Variants in CIMIP6 observed in about 807,000 individuals in gnomAD.
CIMIP6 encodes the protein uncharacterized protein C2orf73.
chr2:54,372,222 C>T, the CIMIP6 span, among the ~76,000 whole-genome samples: 2 of 152,142 alleles, frequency 1.3e-5, no homozygotes, highest in Non-Finnish European at 2.9e-5. Flanking sequence ...CAAGCCAGGT[C>T]GTCAGATTCC....
the CIMIP6 span, among the ~76,000 whole-genome samples, chr2:54,373,247 C>T: frequency 6.6e-6 from 1 of 152,110 alleles, no homozygotes; most frequent in African/African-American, 2.4e-5. Context: ...GCTCCAAGCC[C>T]AGCGCTGGCT....
the CIMIP6 span, chr2:54,330,972 G>A: frequency 2.8e-5 from 45 of 1,613,232 alleles, no homozygotes; most frequent in Non-Finnish European, 3.4e-5. Flanking sequence ...TGCCGTAGAG[G>A]CCCATGGAGG....
chr2:54,366,843 G>T, the CIMIP6 span, among the ~76,000 whole-genome samples: 1,243 of 152,210 alleles, frequency 8.2e-3, 13 homozygotes, highest in Non-Finnish European at 0.014. Flanking sequence ...AATAGTAATT[G>T]CAAGCACTTA....
the CIMIP6 span, among the ~76,000 whole-genome samples, chr2:54,347,465 A>G: frequency 6.6e-6 from 1 of 152,228 alleles, no homozygotes; most frequent in African/African-American, 2.4e-5. Flanking sequence ...GTATCTACAT[A>G]TGGCATATGA....
the CIMIP6 span, among the ~76,000 whole-genome samples, chr2:54,348,198 C>T: frequency 5.9e-5 from 9 of 152,160 alleles, no homozygotes; most frequent in African/African-American, 2.2e-4. Context: ...TTTAATCATC[C>T]TGTTTTGCTC....
chr2:54,382,094 C>G, the CIMIP6 span: 2 of 1,301,484 alleles, frequency 1.5e-6, no homozygotes, highest in Admixed American at 6.9e-5. Context: ...AGTCTGATTA[C>G]AAAGCACAAA....
chr2:54,333,901 A>C, the CIMIP6 span, among the ~76,000 whole-genome samples: 1 of 152,052 alleles, frequency 6.6e-6, no homozygotes, highest in Non-Finnish European at 1.5e-5. Context: ...AAAAAGGAAA[A>C]AAAGAAAAAT....
the CIMIP6 span, among the ~76,000 whole-genome samples, chr2:54,342,507 CCATTA>C: frequency 6.7e-6 from 1 of 149,974 alleles, no homozygotes; most frequent in South Asian, 2.1e-4. Context: ...CAAGCTGACT[CCATTA>C]ATTATTTTTT....
chr2:54,360,235 A>C, the CIMIP6 span: 1 of 1,604,644 alleles, frequency 6.2e-7, no homozygotes. Context: ...GAGAGATAAA[A>C]CCAGGCAGTA....
At chr2:54,372,271 G>A in the CIMIP6 span, among the ~76,000 whole-genome samples, 19 of 152,124 alleles carry the variant, frequency 1.2e-4, no homozygotes, top group East Asian at 5.8e-4. Context: ...ATATTATGAC[G>A]CAGGAAATGT....
the CIMIP6 span, among the ~76,000 whole-genome samples, chr2:54,353,695 C>T: frequency 1.3e-5 from 2 of 152,180 alleles, no homozygotes; most frequent in Non-Finnish European, 2.9e-5. Flanking sequence ...TGACTTTTGC[C>T]AGTGTATTCA....
the CIMIP6 span, among the ~76,000 whole-genome samples, chr2:54,331,542 C>A: frequency 6.6e-6 from 1 of 152,124 alleles, no homozygotes. Context: ...ACACAACACG[C>A]CCCTTACCGT....
the CIMIP6 span, among the ~76,000 whole-genome samples, chr2:54,339,134 A>G: frequency 0.032 from 2,345 of 73,776 alleles, 904 homozygotes; most frequent in African/African-American, 0.1. Context: ...CCAGCCTGGC[A>G]ACAGAACAAG....
At chr2:54,331,630 T>G in the CIMIP6 span, among the ~76,000 whole-genome samples, 1 of 152,002 alleles carries the variant, frequency 6.6e-6, no homozygotes, top group Non-Finnish European at 1.5e-5. Context: ...AAGACCAGCA[T>G]CAGCAGCACC....
chr2:54,354,475 G>A, the CIMIP6 span, among the ~76,000 whole-genome samples: 3 of 152,072 alleles, frequency 2.0e-5, no homozygotes, highest in Non-Finnish European at 4.4e-5. Context: ...AGCATAGAAT[G>A]TCTATTCAGT....
At chr2:54,337,148 T>C in the CIMIP6 span, among the ~76,000 whole-genome samples, 2 of 152,206 alleles carry the variant, frequency 1.3e-5, no homozygotes, top group African/African-American at 4.8e-5. Context: ...TCCACTTCTT[T>C]CCTCATCTCT....
chr2:54,333,451 A>T, the CIMIP6 span, among the ~76,000 whole-genome samples: 3 of 152,250 alleles, frequency 2.0e-5, no homozygotes, highest in East Asian at 5.8e-4. Context: ...GTGTCCCTGG[A>T]ACTGACAGAA....
chr2:54,346,900 C>T, the CIMIP6 span, among the ~76,000 whole-genome samples: 1 of 152,228 alleles, frequency 6.6e-6, no homozygotes, highest in Non-Finnish European at 1.5e-5. Context: ...AAATTCCTCA[C>T]TATGGCCTAC....
the CIMIP6 span, chr2:54,360,137 T>G: frequency 6.8e-7 from 1 of 1,462,476 alleles, no homozygotes; most frequent in Non-Finnish European, 9.0e-7. Flanking sequence ...ACAAATTCAG[T>G]TCACAGCTGC....
Sources: gnomAD v4.1 joint callset for allele counts (sites outside exome capture counted in the v4.1 genomes callset) on GRCh38, gnomAD v4.1.1 for gene constraint, MANE v1.5 for transcripts, NCBI Gene and HGNC (gene_info 2026-07-23, HGNC 2026-07-21) for gene names.